The following KIF5C variants were observed in gnomAD, a reference collection of about 807,000 sequenced individuals.
KIF5C encodes the protein kinesin heavy chain isoform 5C.
A neutral mutation model predicts 125.2 loss-of-function variants in KIF5C; 18 were observed. The observed-to-expected ratio is 0.14, with a 90% confidence interval of 0.10 to 0.21. KIF5C has a LOEUF of 0.21. Among genes scored for constraint, KIF5C ranks in the 10% least tolerant of loss-of-function variants. The probability of loss-of-function intolerance (pLI) is 1.00; values close to 1 mark genes in which losing one functional copy is unlikely to be tolerated. For synonymous variants in KIF5C, 405 were observed against 434.0 expected (o/e 0.93, Z 0.83); for missense variants, 780 against 1,183.8 (o/e 0.66, Z 5.01).
At position 149,023,108 on chromosome 2, in the gene KIF5C, C is replaced by T. The variant is rs1395525564; in HGVS notation, c.*38C>T. On this transcript the variant is annotated 3_prime_UTR_variant, in exon 26 of 26. Transcript: ENST00000435030. ...ACTCCACGTAGCATGTCAAGGACTA[C>T]ATTAATCACCAATTCCTTTATTTTT... 6.6e-6 allele frequency: 1 copy of T among 152,164 alleles called. No homozygotes were observed. The highest frequency in any genetic ancestry group is 2.4e-5 in the African/African-American group (1 of 41,460). The allele number at this position is 152,164 out of a possible 1,614,324, so 9.4% of individuals were successfully genotyped here. A position where few individuals can be genotyped will look rare whatever the true frequency, so the allele number is the denominator to read the frequency against.
chr2:149,017,512 T>C (rs1682399440), intron 25 of KIF5C, among the ~76,000 whole-genome samples: 1 of 152,208 alleles, frequency 6.6e-6, no homozygotes, highest in Admixed American at 6.5e-5. Flanking sequence ...TTGAGAGCCC[T>C]GGAGATCCAC....
At chr2:148,905,850 G>A (rs911469142) in intron 1 of KIF5C, among the ~76,000 whole-genome samples, 1 of 152,130 alleles carries the variant, frequency 6.6e-6, no homozygotes, top group Admixed American at 6.5e-5. Context: ...CATGGTGGAA[G>A]GTGAAAGGCA....
intron 10 of KIF5C, among the ~76,000 whole-genome samples, chr2:148,952,105 C>T (rs112772411): frequency 2.6e-5 from 4 of 152,126 alleles, no homozygotes; most frequent in African/African-American, 9.7e-5. Context: ...TAGGATAACA[C>T]CTACTTTCCT....
At chr2:148,912,301 C>T (rs1164155543) in intron 1 of KIF5C, among the ~76,000 whole-genome samples, 2 of 152,194 alleles carry the variant, frequency 1.3e-5, no homozygotes, top group African/African-American at 4.8e-5. Context: ...AAATATGGTA[C>T]CCTGTCCTCC....
chr2:149,020,762 C>T (rs1286519659), intron 25 of KIF5C, among the ~76,000 whole-genome samples: 2 of 152,180 alleles, frequency 1.3e-5, no homozygotes, highest in South Asian at 2.1e-4. Flanking sequence ...ATGGCAGTTT[C>T]AGTGGTGGCA....
At chr2:148,971,756 G>GTA (rs1288801216) in intron 11 of KIF5C, among the ~76,000 whole-genome samples, 1 of 152,124 alleles carries the variant, frequency 6.6e-6, no homozygotes, top group African/African-American at 2.4e-5. Context: ...GCCCCATGTA[G>GTA]TATTTTGTGG....
At chr2:148,890,895 T>G (rs1433021726) in intron 1 of KIF5C, among the ~76,000 whole-genome samples, 2 of 152,216 alleles carry the variant, frequency 1.3e-5, no homozygotes, top group African/African-American at 4.8e-5. Flanking sequence ...GAATATCTTA[T>G]TTAATTAATA....
At chr2:148,977,934 T>A (rs1681119642) in intron 12 of KIF5C, among the ~76,000 whole-genome samples, 1 of 152,140 alleles carries the variant, frequency 6.6e-6, no homozygotes, top group Non-Finnish European at 1.5e-5. Flanking sequence ...GTACAGGGTG[T>A]GTTTTTCTGG....
intron 18 of KIF5C, 110 bp from the exon 19 acceptor site, chr2:148,998,290 C>A: frequency 6.7e-7 from 1 of 1,485,972 alleles, no homozygotes; most frequent in South Asian, 1.3e-5. Context: ...GTTTTGGGAT[C>A]TGACATCTGA....
intron 7 of KIF5C, 64 bp downstream of exon 7, chr2:148,942,824 A>AG: frequency 6.4e-7 from 1 of 1,563,970 alleles, no homozygotes; most frequent in Non-Finnish European, 8.7e-7. Context: ...CCACCAACCG[A>AG]GGGGGGTGGG....
chr2:148,994,145 G>A (rs974578185), intron 16 of KIF5C, among the ~76,000 whole-genome samples: 1 of 152,118 alleles, frequency 6.6e-6, no homozygotes, highest in South Asian at 2.1e-4. Flanking sequence ...AAACCAGCTC[G>A]GCCTTTGGCA....
At chr2:148,994,559 C>G in intron 17 of KIF5C, 21 bp downstream of exon 17, 2 of 1,551,914 alleles carry the variant, frequency 1.3e-6, no homozygotes, top group Non-Finnish European at 1.7e-6. Context: ...GACTAACGTG[C>G]AGGTGTCAAA....
At chr2:149,020,865 C>A (rs1300763633) in intron 25 of KIF5C, among the ~76,000 whole-genome samples, 1 of 152,118 alleles carries the variant, frequency 6.6e-6, no homozygotes, top group Non-Finnish European at 1.5e-5. Context: ...CTAATTCTGG[C>A]AATAAGCCCA....
chr2:148,892,941 T>A (rs955422573), intron 1 of KIF5C, among the ~76,000 whole-genome samples: 1 of 152,236 alleles, frequency 6.6e-6, no homozygotes, highest in Non-Finnish European at 1.5e-5. Context: ...TTTTGTTTCC[T>A]TCTTTCCAGA....
At chr2:148,961,940 C>T in intron 10 of KIF5C, 31 bp from the exon 11 acceptor site, 1 of 1,594,986 alleles carries the variant, frequency 6.3e-7, no homozygotes. Flanking sequence ...TAATAATTAG[C>T]TGAATTGTCC....
At chr2:148,960,027 T>C (rs1682887738) in intron 10 of KIF5C, among the ~76,000 whole-genome samples, 1 of 152,328 alleles carries the variant, frequency 6.6e-6, no homozygotes, top group African/African-American at 2.4e-5. Context: ...CCAACACCTT[T>C]CCAAACCTTT....
intron 25 of KIF5C, among the ~76,000 whole-genome samples, chr2:149,016,958 C>CAGTG: frequency 6.6e-6 from 1 of 152,186 alleles, no homozygotes; most frequent in South Asian, 2.1e-4. Flanking sequence ...GCACAGAGGT[C>CAGTG]AAGTGAAGAC....
chr2:149,008,324 A>G lies in KIF5C; in HGVS notation c.2550+257A>G, dbSNP rs145248858. Among the ~76,000 whole-genome samples the G allele has an allele frequency of 1.1e-3, 163 of 152,318 alleles. 2 individuals are homozygous for G. In the East Asian group the frequency reaches 0.011, roughly 11 times the overall value. ...TGAGCTCTCTGGGGTTGGAGAGGGA[A>G]GTGTTCAGAGGCCTGTCTTTTCATC... On this transcript the variant is annotated intron_variant, in intron 23 of 25. Coordinates refer to ENST00000435030, the MANE Select transcript of KIF5C (RefSeq NM_004522.3).
At chr2:149,004,434 C>T (rs922108219) in intron 21 of KIF5C, among the ~76,000 whole-genome samples, 4 of 152,124 alleles carry the variant, frequency 2.6e-5, no homozygotes, top group Non-Finnish European at 5.9e-5. Flanking sequence ...ATGGTAAATA[C>T]ATGGAGACTT....
Sources: gnomAD v4.1 joint callset for allele counts (sites outside exome capture counted in the v4.1 genomes callset) on GRCh38, gnomAD v4.1.1 for gene constraint, MANE v1.5 for transcripts, NCBI Gene and HGNC (gene_info 2026-07-23, HGNC 2026-07-21) for gene names.